Variants in TOGARAM2 observed in about 807,000 individuals in gnomAD.
The protein encoded by TOGARAM2 is TOG array regulator of axonemal microtubules 2, also known as TOG array regulator of axonemal microtubules protein 2.
A neutral mutation model predicts 93.3 loss-of-function variants in TOGARAM2; 85 were observed. That is an observed-to-expected ratio of 0.91 (90% CI 0.76 to 1.09). TOGARAM2 has a LOEUF of 1.09. Among genes scored for constraint, TOGARAM2 ranks in the 50% least tolerant of loss-of-function variants. The probability of loss-of-function intolerance (pLI) is 0.00; values close to 1 mark genes in which losing one functional copy is unlikely to be tolerated. For missense variants in TOGARAM2, 1,277 were observed against 1,334.5 expected, an observed-to-expected ratio of 0.96 and a Z score of 0.67; for synonymous variants, 593 against 552.8, an observed-to-expected ratio of 1.07 and a Z score of -1.02.
At chr2:29,005,414 T>C (rs555472577) in intron 6 of TOGARAM2, among the ~76,000 whole-genome samples, 2 of 145,516 alleles carry the variant, frequency 1.4e-5, no homozygotes, top group South Asian at 2.2e-4. Context: ...TGTGTGTGCG[T>C]GTGTGAGAGC....
At chr2:29,041,558 T>C (rs1466643585) in intron 18 of TOGARAM2, among the ~76,000 whole-genome samples, 3 of 152,232 alleles carry the variant, frequency 2.0e-5, no homozygotes, top group Non-Finnish European at 4.4e-5. Context: ...AAAGCTCTTA[T>C]CTGGCTTCCC....
In TOGARAM2 at chr2:29,017,273, C is replaced by A; in HGVS notation, c.1164C>A (p.Cys388Ter). 6.2e-7 allele frequency: 1 copy of A among 1,612,058 alleles called. No homozygotes were observed. The highest frequency in any genetic ancestry group is 8.5e-7 in the Non-Finnish European group (1 of 1,179,104). ...CAGGGCAGGAGCTCACTTCCCAGTG[C>A]CTGGGCTCCCAGAGAGCCTTCATGA... ...PRTGQELTSQ[C>*]LGSQRAFMKE... Residue 388 changes from cysteine to a stop codon, truncating the protein, a stop_gained, in exon 9 of 20, where the codon TGC becomes TGA. Coordinates refer to ENST00000379558, the MANE Select transcript of TOGARAM2 (RefSeq NM_199280.4). LOFTEE classifies it high-confidence loss of function.
intron 13 of TOGARAM2, among the ~76,000 whole-genome samples, chr2:29,025,309 G>A (rs1000109408): frequency 2.6e-5 from 4 of 152,226 alleles, no homozygotes; most frequent in African/African-American, 7.2e-5. Flanking sequence ...ACTCACGAAA[G>A]CGCACTTAGA....
chr2:28,996,745 A>G (rs902437831), intron 2 of TOGARAM2, among the ~76,000 whole-genome samples: 6 of 134,282 alleles, frequency 4.5e-5, no homozygotes, highest in African/African-American at 1.6e-4. Flanking sequence ...AATCACTTGA[A>G]CCCAGGAGGC....
chr2:29,036,734 T>A lies in TOGARAM2; in HGVS notation c.2612T>A (p.Leu871Gln), dbSNP rs1332132621. The change falls in exon 18 of 20, where the codon CTG becomes CAG. Residue 871 changes from leucine (L) to glutamine (Q), a missense_variant. Leu to Gln is a moderately radical substitution (Grantham distance 113). Transcript: ENST00000379558. ...ATTTACGCTGCTGCCGTGGCTGTGC[T>A]GGATGCGATGGTTGAGAGCCTGGGT... ...SGIYAAAVAV[L>Q]DAMVESLDNL... The A allele has an allele frequency of 6.2e-7, 1 of 1,613,594 alleles. No individual in the cohort carries two copies. The highest frequency in any genetic ancestry group is 1.1e-5 in the South Asian group (1 of 90,974).
intron 11 of TOGARAM2, 70 bp from the exon 12 acceptor site, chr2:29,023,016 C>T: frequency 7.1e-7 from 1 of 1,400,260 alleles, no homozygotes; most frequent in Non-Finnish European, 9.9e-7. Flanking sequence ...ATGTGGGGCC[C>T]CTAGTCTGCA....
intron 1 of TOGARAM2, 51 bp from the exon 2 acceptor site, chr2:28,994,674 A>T: frequency 1.5e-6 from 1 of 647,236 alleles, no homozygotes; most frequent in Non-Finnish European, 2.7e-6. Context: ...GAAGTAGTTT[A>T]AAAGTGTTAA....
chr2:29,045,424 G>GCCCCCC lies in TOGARAM2; in HGVS notation c.2722+18_2722+19insCCCCCC. ...ATCGCCTGGCAGGTGAGCACCCCCA[G>GCCCCCC]CCCCACCCCACCCCATCTCCTGGCA... On this transcript the variant is annotated intron_variant, in intron 19 of 19. Transcript: ENST00000379558. 1 of 1,113,274 alleles carries GCCCCCC rather than the reference G, an allele frequency of 9.0e-7. No individual in the cohort carries two copies. 69.0% of individuals were successfully genotyped at this position (1,113,274 alleles called of 1,614,324 possible).
intron 2 of TOGARAM2, among the ~76,000 whole-genome samples, chr2:28,995,299 G>T (rs1383539006): frequency 6.6e-6 from 1 of 152,246 alleles, no homozygotes; most frequent in East Asian, 1.9e-4. Flanking sequence ...CTTGAGGCCT[G>T]GCTCTGCTTT....
intron 1 of TOGARAM2, among the ~76,000 whole-genome samples, chr2:28,988,798 G>A (rs910909795): frequency 7.9e-5 from 12 of 152,134 alleles, no homozygotes; most frequent in Admixed American, 3.3e-4. Context: ...TCTGTGACCC[G>A]CATGCCTCCA....
chr2:28,981,565 A>C (rs1263804758), intron 1 of TOGARAM2, 27 bp downstream of exon 1: 1 of 152,522 alleles, frequency 6.6e-6, no homozygotes, highest in African/African-American at 2.4e-5. Flanking sequence ...CCACCAAGCC[A>C]TCTATTGTAG....
chr2:28,996,208 T>C (rs1672981311), intron 2 of TOGARAM2, among the ~76,000 whole-genome samples: 1 of 152,224 alleles, frequency 6.6e-6, no homozygotes, highest in Admixed American at 6.5e-5. Context: ...ATTAGGGTAA[T>C]TGGGATTTCC....
chr2:29,012,572 TC>T (rs1664320458), intron 7 of TOGARAM2, among the ~76,000 whole-genome samples: 1 of 152,188 alleles, frequency 6.6e-6, no homozygotes, highest in Non-Finnish European at 1.5e-5. Flanking sequence ...CCCCTGGCTC[TC>T]CAGCTTGCTG....
rs374910587 is a variant in TOGARAM2 at position 29,024,764 on chromosome 2, G to A, written c.1853+390G>A. On this transcript the variant is annotated intron_variant, in intron 13 of 19. Coordinates refer to ENST00000379558, the MANE Select transcript of TOGARAM2 (RefSeq NM_199280.4). ...CACACCGTGGCTGTGGGAGCGCCCCGGGAGACAGGGCTGCAGAGGCAGCCT... is the reference window on the plus strand; with the variant it reads ...CACACCGTGGCTGTGGGAGCGCCCCAGGAGACAGGGCTGCAGAGGCAGCCT... Among the ~76,000 whole-genome samples the A allele has an allele frequency of 8.5e-5, 13 of 152,274 alleles. No homozygotes were observed. In the East Asian group the frequency reaches 2.1e-3, roughly 25 times the overall value.
At chr2:29,011,936 T>A (rs780064524) in intron 7 of TOGARAM2, among the ~76,000 whole-genome samples, 22 of 151,976 alleles carry the variant, frequency 1.4e-4, no homozygotes, top group Non-Finnish European at 2.5e-4. Flanking sequence ...CCCCTTGCGG[T>A]GTGTTAAGCA....
At chr2:28,979,620 A>G (rs1427928444), upstream of TOGARAM2, among the ~76,000 whole-genome samples, 1 of 152,100 alleles carries the variant, frequency 6.6e-6, no homozygotes, top group Non-Finnish European at 1.5e-5. Context: ...CTGTGTCTCT[A>G]GCATTTGGCA....
intron 13 of TOGARAM2, among the ~76,000 whole-genome samples, 166 bp from the exon 14 acceptor site, chr2:29,026,687 G>A (rs1337509385): frequency 6.6e-6 from 1 of 152,198 alleles, no homozygotes; most frequent in Non-Finnish European, 1.5e-5. Context: ...TAGAAAGTGA[G>A]TGCTCTTTCC....
chr2:28,979,247 G>A (rs1473985039), upstream of TOGARAM2, among the ~76,000 whole-genome samples: 1 of 152,188 alleles, frequency 6.6e-6, no homozygotes, highest in African/African-American at 2.4e-5. Context: ...ATTTCATGTG[G>A]ATGTCACACC....
At chr2:28,970,632 G>T (rs1671934407) in intron 1 of TOGARAM2, among the ~76,000 whole-genome samples, 1 of 152,202 alleles carries the variant, frequency 6.6e-6, no homozygotes, top group Non-Finnish European at 1.5e-5. Context: ...CTCCCTGGCG[G>T]TGAGGGCCAT....
Sources: allele counts gnomAD v4.1 joint callset (sites outside exome capture counted in the v4.1 genomes callset), GRCh38; gene constraint gnomAD v4.1.1; transcripts MANE v1.5; gene names NCBI Gene and HGNC (gene_info 2026-07-23, HGNC 2026-07-21).